SQLE: variants seen among roughly 807,000 people sequenced by gnomAD.
SQLE encodes squalene epoxidase, also known as squalene monooxygenase.
A neutral mutation model predicts 60.7 loss-of-function variants in SQLE; 29 were observed. The ratio of observed to expected loss-of-function variants is 0.48; its 90% CI spans 0.36 to 0.65. The LOEUF (loss-of-function observed/expected upper bound fraction) is 0.65, where lower values mean the gene tolerates loss of function less well. Ranked by LOEUF, SQLE falls within the 30% of genes least tolerant of loss-of-function variation. The probability of loss-of-function intolerance (pLI) is 0.00; values close to 1 mark genes in which losing one functional copy is unlikely to be tolerated. For missense variants in SQLE, 605 were observed against 684.1 expected (o/e 0.88, Z 1.29); for synonymous variants, 237 against 246.8 (o/e 0.96, Z 0.37).
intron 6 of SQLE, among the ~76,000 whole-genome samples, chr8:125,010,582 G>T (rs917873328): frequency 6.6e-5 from 10 of 151,978 alleles, no homozygotes; most frequent in African/African-American, 1.9e-4. Context: ...GAAGTGAAAT[G>T]AAGTGGGCAA....
At chr8:125,014,375 A>G (rs1210686833) in intron 7 of SQLE, among the ~76,000 whole-genome samples, 7 of 152,096 alleles carry the variant, frequency 4.6e-5, no homozygotes, top group African/African-American at 1.7e-4. Context: ...CAAAGAACCA[A>G]CTTTTCATTT....
rs2217132 is a variant in SQLE, at chr8:125,016,660, C to G, written c.1205-1399C>G. ...ATGTTTTCCTGGATGGTTTTGATGA[C>G]TGTGGATGTTCACCAATGTCTGGGC... On this transcript the variant is annotated intron_variant, in intron 7 of 10. Coordinates refer to ENST00000265896, the MANE Select transcript of SQLE (RefSeq NM_003129.4). The surrounding 1 kb of genome is among the most constrained non-coding windows in gnomAD (Gnocchi z 4.1). Among the ~76,000 whole-genome samples the G allele has an allele frequency of 0.19, 28,566 of 151,958 alleles. 3,147 individuals carry two copies. Among genetic ancestry groups the G allele is most frequent in the Middle Eastern group, 0.35 (103 of 292 alleles).
At chr8:125,018,487 T>A (rs939842379) in intron 8 of SQLE, 144 bp from the exon 9 acceptor site, 32 of 677,288 alleles carry the variant, frequency 4.7e-5, no homozygotes, top group Middle Eastern at 4.1e-4. Flanking sequence ...GGTGATTTTT[T>A]ATTTTTTTTG....
rs188515227 is a variant in SQLE at position 125,022,040 on chromosome 8, C to T, written c.*95C>T. ...ATATATATAGCATAGTACCATACCA[C>T]TTATAAAGTGGAAACTCTTGGACCA... On this transcript the variant is annotated 3_prime_UTR_variant, in exon 11 of 11. Coordinates refer to ENST00000265896, the MANE Select transcript of SQLE (RefSeq NM_003129.4). 1.7e-4 allele frequency: 147 copies of T among 848,154 alleles called. No individual in the cohort carries two copies. Among genetic ancestry groups the T allele is most frequent in the Non-Finnish European group, 2.3e-4 (143 of 625,498 alleles). The allele number at this position is 848,154 out of a possible 1,614,324, so 52.5% of individuals were successfully genotyped here. A position where few individuals can be genotyped will look rare whatever the true frequency, so the allele number is the denominator to read the frequency against.
rs946340757 is a variant in SQLE at position 124,998,820 on chromosome 8, C to T, written c.-584C>T. ...GAGAAGGCGTCGGCGTTGGCGTTTTCCCGAGGTTGGGCTGTACAGTGTCTC... is the reference window on the plus strand; with the variant it reads ...GAGAAGGCGTCGGCGTTGGCGTTTTTCCGAGGTTGGGCTGTACAGTGTCTC... On this transcript the variant is annotated 5_prime_UTR_variant, in exon 1 of 11. Coordinates refer to ENST00000265896, the MANE Select transcript of SQLE (RefSeq NM_003129.4). 17 of 495,976 alleles carry T rather than the reference C, an allele frequency of 3.4e-5. No homozygotes were observed. The East Asian group carries it at 5.3e-4, about 16-fold the overall frequency. The allele number at this position is 495,976 out of a possible 1,614,324, so 30.7% of individuals were successfully genotyped here.
chr8:125,005,987 T>C (rs1251396609), intron 3 of SQLE, among the ~76,000 whole-genome samples: 1 of 152,212 alleles, frequency 6.6e-6, no homozygotes, highest in Admixed American at 6.5e-5. Flanking sequence ...GAGGATATAT[T>C]TGTAACTAAG....
At chr8:125,007,228 A>G (rs969852265) in intron 3 of SQLE, among the ~76,000 whole-genome samples, 163 bp from the exon 4 acceptor site, 1 of 152,136 alleles carries the variant, frequency 6.6e-6, no homozygotes, top group African/African-American at 2.4e-5. Flanking sequence ...AGTAATATGT[A>G]TTAAATGTTG....
At chr8:125,002,407 G>C (rs1236097894) in intron 1 of SQLE, among the ~76,000 whole-genome samples, 1 of 152,228 alleles carries the variant, frequency 6.6e-6, no homozygotes. Flanking sequence ...GCCGCACGCA[G>C]TGGCTCACGC....
At position 125,021,967 on chromosome 8, in the gene SQLE, G is replaced by A. The variant is rs1447531959; in HGVS notation, c.*22G>A. On this transcript the variant is annotated 3_prime_UTR_variant, in exon 11 of 11. Transcript: ENST00000265896. ...TTAAGCTTAAAGGGGAACCATTTGT[G>A]AATGAATATTTGGAACTTACCAAGT... 3 of 1,549,506 alleles carry A rather than the reference G, an allele frequency of 1.9e-6. No individual in the cohort carries two copies. The East Asian group carries it at 6.9e-5, about 36-fold the overall frequency.
At chr8:125,017,383 T>TC (rs1266798376) in intron 7 of SQLE, among the ~76,000 whole-genome samples, 1 of 151,876 alleles carries the variant, frequency 6.6e-6, no homozygotes, top group Non-Finnish European at 1.5e-5. Flanking sequence ...AAGGAGCCTC[T>TC]CCCCATGGCC....
chr8:125,003,819 G>T (rs1039089552), intron 2 of SQLE, among the ~76,000 whole-genome samples: 1 of 140,836 alleles, frequency 7.1e-6, no homozygotes, highest in African/African-American at 2.6e-5. Flanking sequence ...CATTCAACCA[G>T]TGCTTTTTAA....
chr8:125,017,943 T>G, intron 7 of SQLE, 116 bp from the exon 8 acceptor site: 7 of 1,222,166 alleles, frequency 5.7e-6, no homozygotes, highest in Non-Finnish European at 7.9e-6. Flanking sequence ...TTTTCATGTA[T>G]TTTCACATTT....
Position 125,021,752 on chromosome 8 carries a change from G to C in SQLE, c.1533-1G>C. On this transcript the variant is annotated splice_acceptor_variant, in intron 10 of 10. Transcript: ENST00000265896. LOFTEE classifies it high-confidence loss of function. Reference sequence around the variant, plus strand: ...CCAATATGTATTTTTTTCTATTACAGATTGTCTCCTAACCCTCTAGTTTTA... The same window carrying C: ...CCAATATGTATTTTTTTCTATTACACATTGTCTCCTAACCCTCTAGTTTTA... The C allele has an allele frequency of 6.3e-7, 1 of 1,586,776 alleles. No individual in the cohort carries two copies. The highest frequency in any genetic ancestry group is 8.6e-7 in the Non-Finnish European group (1 of 1,165,474).
chr8:125,001,048 T>C (rs560597015), intron 1 of SQLE, among the ~76,000 whole-genome samples: 100 of 152,276 alleles, frequency 6.6e-4, no homozygotes, highest in African/African-American at 2.2e-3. Context: ...AGGGGTAATA[T>C]ACATCTCTTA....
intron 4 of SQLE, among the ~76,000 whole-genome samples, chr8:125,008,413 A>G (rs7825911): frequency 6.6e-6 from 1 of 151,786 alleles, no homozygotes; most frequent in Non-Finnish European, 1.5e-5. Flanking sequence ...TTAAAAAAAA[A>G]TTATCGTAGT....
chr8:125,013,357 T>TTTTTCTTTTTC lies in SQLE; in HGVS notation c.1204+1729_1204+1730insCTTTTTCTTTT, dbSNP rs1491275210. Among the ~76,000 whole-genome samples, 9 of 65,690 alleles carry TTTTTCTTTTTC rather than the reference T, an allele frequency of 1.4e-4. No homozygotes were observed. In the Middle Eastern group the frequency reaches 0.049, roughly 358 times the overall value. 43.1% of individuals were successfully genotyped at this position (65,690 alleles called of 152,430 possible). A position where few individuals can be genotyped will look rare whatever the true frequency, so the allele number is the denominator to read the frequency against. The stretch of plus-strand genomic sequence containing the variant: ...GATTTACTCCTATGTTTTCTTTTTC[T>TTTTTCTTTTTC]TTTTTTTTTTTTGAGATGGAGTTTC... On this transcript the variant is annotated intron_variant, in intron 7 of 10. Coordinates refer to ENST00000265896, the MANE Select transcript of SQLE (RefSeq NM_003129.4).
intron 7 of SQLE, 47 bp downstream of exon 7, chr8:125,011,679 G>T: frequency 1.4e-6 from 2 of 1,433,022 alleles, no homozygotes; most frequent in South Asian, 2.5e-5. Flanking sequence ...TATTCCAAAT[G>T]ACAAATATAT....
At chr8:125,017,540 G>A (rs1022875302) in intron 7 of SQLE, among the ~76,000 whole-genome samples, 2 of 151,914 alleles carry the variant, frequency 1.3e-5, no homozygotes, top group Admixed American at 6.6e-5. Context: ...CACCCAGGAC[G>A]GATCCAAAAA....
chr8:125,021,980 G>C lies in SQLE; in HGVS notation c.*35G>C. The stretch of plus-strand genomic sequence containing the variant: ...GGAACCATTTGTGAATGAATATTTG[G>C]AACTTACCAAGTCCTAAGAGACTTT... On this transcript the variant is annotated 3_prime_UTR_variant, in exon 11 of 11. Transcript: ENST00000265896. 6.6e-7 allele frequency: 1 copy of C among 1,513,802 alleles called. No homozygotes were observed. The highest frequency in any genetic ancestry group is 9.0e-7 in the Non-Finnish European group (1 of 1,115,308). 93.8% of individuals were successfully genotyped at this position (1,513,802 alleles called of 1,614,324 possible).
Sources: allele counts gnomAD v4.1 joint callset (sites outside exome capture counted in the v4.1 genomes callset), GRCh38; gene constraint gnomAD v4.1.1; non-coding constraint Gnocchi (gnomAD v3.1); transcripts MANE v1.5; gene names NCBI Gene and HGNC (gene_info 2026-07-23, HGNC 2026-07-21).